Variants in NDFIP1 observed in about 807,000 individuals in gnomAD.
NDFIP1 encodes Nedd4 family interacting protein 1, also known as NEDD4 family-interacting protein 1.
NDFIP1 carries 7 observed loss-of-function variants against 28.8 expected under a neutral mutation model. The ratio of observed to expected loss-of-function variants is 0.24; its 90% confidence interval spans 0.14 to 0.46. The LOEUF is 0.46. NDFIP1 is among the 20% of genes least tolerant of loss of function. The probability of loss-of-function intolerance (pLI) is 0.99; values close to 1 mark genes in which losing one functional copy is unlikely to be tolerated. For synonymous variants in NDFIP1, 92 were observed against 101.0 expected, an observed-to-expected ratio of 0.91 and a Z score of 0.53; for missense variants, 194 against 269.1, an observed-to-expected ratio of 0.72 and a Z score of 1.95.
chr5:142,115,599 A>G (rs781075595), intron 1 of NDFIP1, among the ~76,000 whole-genome samples: 1 of 152,184 alleles, frequency 6.6e-6, no homozygotes, highest in Non-Finnish European at 1.5e-5. Context: ...TTCTTATAAT[A>G]ATGGACAATT....
intron 1 of NDFIP1, among the ~76,000 whole-genome samples, chr5:142,109,532 G>A (rs1186251896): frequency 6.6e-6 from 1 of 152,086 alleles, no homozygotes; most frequent in Non-Finnish European, 1.5e-5. Flanking sequence ...CATCCCCCTC[G>A]CCTCCGTTTT....
rs954675930 is a variant in NDFIP1, at chr5:142,152,658, A to C, written c.*930A>C. On this transcript the variant is annotated 3_prime_UTR_variant, in exon 8 of 8. Transcript: ENST00000253814. Reference sequence around the variant, plus strand: ...ACTTGCTTTTACAATGTGTTAGCAGAAACCAGTGGGTTATAATGTAGAATG... The same window carrying C: ...ACTTGCTTTTACAATGTGTTAGCAGCAACCAGTGGGTTATAATGTAGAATG... 6.5e-6 allele frequency: 1 copy of C among 154,818 alleles called. No homozygotes were observed. Among genetic ancestry groups the C allele is most frequent in the Non-Finnish European group, 1.4e-5 (1 of 69,564 alleles). 9.6% of individuals were successfully genotyped at this position (154,818 alleles called of 1,614,324 possible). A position where few individuals can be genotyped will look rare whatever the true frequency, so the allele number is the denominator to read the frequency against.
intron 1 of NDFIP1, among the ~76,000 whole-genome samples, chr5:142,114,642 G>A (rs74765912): frequency 2.9e-3 from 448 of 152,168 alleles, no homozygotes; most frequent in Non-Finnish European, 4.7e-3. Flanking sequence ...TATGTGTAAC[G>A]CTAAAAGAAA....
rs1282994651 is a variant in NDFIP1, at chr5:142,152,285, T to C, written c.*557T>C. 2.0e-5 allele frequency: 3 copies of C among 152,660 alleles called. No homozygotes were observed. The highest frequency in any genetic ancestry group is 7.2e-5 in the African/African-American group (3 of 41,438). 9.5% of individuals were successfully genotyped at this position (152,660 alleles called of 1,614,324 possible). ...TCATAGTGCAAAAATACATTTAAGG[T>C]GTGGTCAAAAATAAGTCTTTAATTG... On this transcript the variant is annotated 3_prime_UTR_variant, in exon 8 of 8. Transcript: ENST00000253814.
At chr5:142,132,564 A>G (rs1222417965) in intron 3 of NDFIP1, among the ~76,000 whole-genome samples, 1 of 152,258 alleles carries the variant, frequency 6.6e-6, no homozygotes, top group East Asian at 1.9e-4. Flanking sequence ...CATCTCTCCT[A>G]TTACCACTAC....
chr5:142,152,988 T>C lies in NDFIP1; in HGVS notation c.*1260T>C, dbSNP rs961744064. 3.4e-6 allele frequency: 1 copy of C among 290,022 alleles called. No individual in the cohort carries two copies. Among genetic ancestry groups the C allele is most frequent in the Admixed American group, 4.7e-5 (1 of 21,188 alleles). 18.0% of individuals were successfully genotyped at this position (290,022 alleles called of 1,614,324 possible). ...TGAACATTGGTTCTGTAAAAGATAA[T>C]GGACTAAAAAAGTAGAGAGGAGTTG... On this transcript the variant is annotated 3_prime_UTR_variant, in exon 8 of 8. Transcript: ENST00000253814.
chr5:142,118,062 T>C (rs1425271563), intron 1 of NDFIP1, among the ~76,000 whole-genome samples: 1 of 152,174 alleles, frequency 6.6e-6, no homozygotes, highest in African/African-American at 2.4e-5. Context: ...TCAGAAACAC[T>C]GAGAAGACAG....
rs538890111 is a variant in NDFIP1 at position 142,116,529 on chromosome 5, C to T, written c.63+7492C>T. ...GACTACAGGTGCCCGCCAGCAGGCC[C>T]GGCTAATTTTTGTATTTTTAGTAGA... On this transcript the variant is annotated intron_variant, in intron 1 of 7. Coordinates refer to ENST00000253814, the MANE Select transcript of NDFIP1 (RefSeq NM_030571.4). Among the ~76,000 whole-genome samples the T allele has an allele frequency of 1.7e-4, 26 of 151,966 alleles. No homozygotes were observed. The East Asian group carries it at 4.3e-3, about 25-fold the overall frequency.
At chr5:142,137,518 A>G (rs957217241) in intron 4 of NDFIP1, among the ~76,000 whole-genome samples, 2 of 152,176 alleles carry the variant, frequency 1.3e-5, no homozygotes, top group South Asian at 2.1e-4. Context: ...AGCAGTAGAC[A>G]TAAGTGTGTA....
chr5:142,137,686 T>C, intron 4 of NDFIP1, 48 bp from the exon 5 acceptor site: 1 of 1,604,708 alleles, frequency 6.2e-7, no homozygotes, highest in Non-Finnish European at 8.5e-7. Flanking sequence ...CTCTTGTTCT[T>C]GGGTAACAGG....
chr5:142,147,434 C>T (rs1214633600), intron 7 of NDFIP1, among the ~76,000 whole-genome samples: 10 of 152,060 alleles, frequency 6.6e-5, no homozygotes, highest in Non-Finnish European at 1.5e-5. Flanking sequence ...TTTTTTCCTC[C>T]CTATCGATTC....
At chr5:142,138,563 G>A (rs1239961756) in intron 5 of NDFIP1, among the ~76,000 whole-genome samples, 1 of 152,128 alleles carries the variant, frequency 6.6e-6, no homozygotes, top group Non-Finnish European at 1.5e-5. Context: ...TAACTAATGG[G>A]TGTTGCTTGA....
chr5:142,144,368 A>G (rs1332109090), intron 6 of NDFIP1: 7 of 459,432 alleles, frequency 1.5e-5, no homozygotes, highest in South Asian at 3.4e-5. Flanking sequence ...AAAAGACACT[A>G]TTGACTCTTA....
chr5:142,138,074 C>T, intron 5 of NDFIP1: 1 of 441,608 alleles, frequency 2.3e-6, no homozygotes, highest in Non-Finnish European at 4.0e-6. Flanking sequence ...ACTGGTCTAT[C>T]ATTAATATTG....
In NDFIP1 at chr5:142,154,210, C is replaced by T. The variant is rs369102912; in HGVS notation, c.*2482C>T. Reference sequence around the variant, plus strand: ...TTTGGAAAGGTATTCATAGGAACCGCGGTTATTTACTTAAGGTTATGGAGT... The same window carrying T: ...TTTGGAAAGGTATTCATAGGAACCGTGGTTATTTACTTAAGGTTATGGAGT... On this transcript the variant is annotated 3_prime_UTR_variant, in exon 8 of 8. Coordinates refer to ENST00000253814, the MANE Select transcript of NDFIP1 (RefSeq NM_030571.4). The T allele has an allele frequency of 9.2e-5, 14 of 152,316 alleles. No homozygotes were observed. Among genetic ancestry groups the T allele is most frequent in the African/African-American group, 2.6e-4 (11 of 41,530 alleles). 9.4% of individuals were successfully genotyped at this position (152,316 alleles called of 1,614,324 possible).
At chr5:142,137,238 G>A (rs917988934) in intron 4 of NDFIP1, among the ~76,000 whole-genome samples, 1 of 152,156 alleles carries the variant, frequency 6.6e-6, no homozygotes, top group Non-Finnish European at 1.5e-5. Context: ...ACTTCTCAGT[G>A]TACCCTTGAC....
intron 1 of NDFIP1, among the ~76,000 whole-genome samples, chr5:142,127,194 T>C (rs369790431): frequency 6.6e-6 from 1 of 152,094 alleles, no homozygotes; most frequent in African/African-American, 2.4e-5. Context: ...TTTTGTATTT[T>C]TAGTAGAGAC....
chr5:142,112,549 AAAG>A (rs1204548674), intron 1 of NDFIP1, among the ~76,000 whole-genome samples: 1 of 150,556 alleles, frequency 6.6e-6, no homozygotes, highest in African/African-American at 2.4e-5. Context: ...AAAAAAAAAA[AAAG>A]GCACCGAGGT....
chr5:142,130,973 A>G (rs574166317), intron 1 of NDFIP1, among the ~76,000 whole-genome samples: 1 of 149,158 alleles, frequency 6.7e-6, no homozygotes, highest in African/African-American at 2.5e-5. Flanking sequence ...TTTTTTTTTT[A>G]AAGACATGGT....
Sources: allele counts gnomAD v4.1 joint callset (sites outside exome capture counted in the v4.1 genomes callset), GRCh38; gene constraint gnomAD v4.1.1; transcripts MANE v1.5; gene names NCBI Gene and HGNC (gene_info 2026-07-23, HGNC 2026-07-21).